Variants in TUB observed in about 807,000 individuals in gnomAD.
TUB encodes the protein TUB bipartite transcription factor, also known as tubby protein homolog.
In TUB, 33 loss-of-function variants were observed where a neutral mutation model predicts 59.7. That is an observed-to-expected ratio of 0.55 (90% confidence interval 0.42 to 0.74). TUB has a LOEUF of 0.74. Ranked by LOEUF, TUB falls within the 30% of genes least tolerant of loss-of-function variation. The pLI, the probability that TUB is intolerant of heterozygous loss-of-function variation, is 0.00. For missense variants in TUB, 659 were observed against 672.0 expected (o/e 0.98, Z 0.21); for synonymous variants, 293 against 256.4 (o/e 1.14, Z -1.36).
rs1024871836 is a variant in TUB at position 8,100,441 on chromosome 11, CCCA to C, written c.1117-59_1117-57del. ...GCTCTTCCTCTTTATTCCCGTCCCC[CCCA>C]CCTTCTCCAGTAGGTAAATAGACGC... On this transcript the variant is annotated intron_variant, in intron 9 of 11. Coordinates refer to ENST00000299506, the MANE Select transcript of TUB (RefSeq NM_177972.3). The C allele has an allele frequency of 6.8e-6, 9 of 1,330,176 alleles. No homozygotes were observed. In the African/African-American group the frequency reaches 1.3e-4, roughly 19 times the overall value. The allele number at this position is 1,330,176 out of a possible 1,614,324, so 82.4% of individuals were successfully genotyped here.
chr11:8,036,308 T>A (rs1291437172), upstream of TUB, among the ~76,000 whole-genome samples: 1 of 152,194 alleles, frequency 6.6e-6, no homozygotes, highest in Non-Finnish European at 1.5e-5. Flanking sequence ...AGCCAGCTGG[T>A]CATCTAGCCT....
intron 2 of TUB, among the ~76,000 whole-genome samples, chr11:8,071,796 G>C (rs373304540): frequency 6.6e-6 from 1 of 152,358 alleles, no homozygotes; most frequent in East Asian, 1.9e-4. Flanking sequence ...ACCTGAGCTA[G>C]AGGAACACAC....
chr11:8,056,854 G>C lies in TUB; in HGVS notation c.203+17162G>C, dbSNP rs536682357. Among the ~76,000 whole-genome samples, 107 of 152,222 alleles carry C rather than the reference G, an allele frequency of 7.0e-4. No homozygotes were observed. The South Asian group carries it at 8.7e-3, about 12-fold the overall frequency. On this transcript the variant is annotated intron_variant, in intron 2 of 12. Transcript: ENST00000305253. ...AAGCACATGGTGTGTCTCAAGTAAGGTGTGGGGGCAGTGATGGGAACGAAC... is the reference window on the plus strand; with the variant it reads ...AAGCACATGGTGTGTCTCAAGTAAGCTGTGGGGGCAGTGATGGGAACGAAC...
intron 1 of TUB, among the ~76,000 whole-genome samples, chr11:8,026,394 G>A (rs1277721811): frequency 1.0e-4 from 15 of 150,552 alleles, no homozygotes; most frequent in Admixed American, 9.9e-4. Flanking sequence ...GTTTTTCTAG[G>A]AATTTTCTAA....
intron 2 of TUB, among the ~76,000 whole-genome samples, chr11:8,056,250 C>T (rs887512081): frequency 6.6e-6 from 1 of 152,164 alleles, no homozygotes; most frequent in African/African-American, 2.4e-5. Flanking sequence ...CAGGATGCCC[C>T]TCACTCTCCT....
chr11:8,077,656 C>T (rs1250218375), upstream of TUB: 1 of 152,260 alleles, frequency 6.6e-6, no homozygotes, highest in Non-Finnish European at 1.5e-5. Flanking sequence ...CTTGGGAAGG[C>T]TTGTCCTAAC....
intron 2 of TUB, among the ~76,000 whole-genome samples, chr11:8,071,253 T>G (rs763462870): frequency 6.6e-6 from 1 of 152,074 alleles, no homozygotes; most frequent in Non-Finnish European, 1.5e-5. Flanking sequence ...TTCATAGGGG[T>G]AGGTCTAGCC....
Position 8,100,827 on chromosome 11 carries a change from A to G in TUB, c.1217A>G (p.Glu406Gly). Residue 406 changes from glutamate to glycine, a missense_variant and splice_region_variant, in exon 11 of 12, where the codon GAG becomes GGG. By Grantham distance (98) the Glu-to-Gly change is moderately conservative. Transcript: ENST00000299506. Reference sequence around the variant, plus strand: ...GCTCAGGTGAGGCTGCCCTCCCAGGAGCATGAGACACTGCTAGCACGCTGG... The same window carrying G: ...GCTCAGGTGAGGCTGCCCTCCCAGGGGCATGAGACACTGCTAGCACGCTGG... ...HERVSIRPRN[E>G]HETLLARWQN... The G allele has an allele frequency of 6.2e-7, 1 of 1,613,894 alleles. No homozygotes were observed. Among genetic ancestry groups the G allele is most frequent in the Non-Finnish European group, 8.5e-7 (1 of 1,179,888 alleles).
chr11:8,030,753 G>C (rs1007262693), intron 1 of TUB, among the ~76,000 whole-genome samples: 2 of 152,164 alleles, frequency 1.3e-5, no homozygotes, highest in African/African-American at 4.8e-5. Flanking sequence ...CCCTGGATCT[G>C]GGGAGGCTTT....
At chr11:8,054,820 A>C (rs1942992601) in intron 2 of TUB, among the ~76,000 whole-genome samples, 1 of 152,204 alleles carries the variant, frequency 6.6e-6, no homozygotes. Flanking sequence ...ACTGGGAGGC[A>C]CATGGCACAT....
At chr11:8,049,578 T>TATATATATATATATATATAGATAGATAG (rs1055522231) in intron 2 of TUB, among the ~76,000 whole-genome samples, 1 of 85,916 alleles carries the variant, frequency 1.2e-5, no homozygotes, top group Non-Finnish European at 2.9e-5. Context: ...TATATATATA[T>TATATATATATATATATATAGATAGATAG]ATAGATAGAT....
upstream of TUB, among the ~76,000 whole-genome samples, chr11:8,078,202 C>T (rs1312614385): frequency 6.6e-6 from 1 of 152,078 alleles, no homozygotes; most frequent in Non-Finnish European, 1.5e-5. Flanking sequence ...CTGCTTCACT[C>T]CCCATGCATT....
At position 8,101,553 on chromosome 11, in the gene TUB, G is replaced by T. The variant is rs147880022; in HGVS notation, c.1455G>T (p.Pro485=). 1.9e-6 allele frequency: 3 copies of T among 1,614,240 alleles called. No homozygotes were observed. Among genetic ancestry groups the T allele is most frequent in the Non-Finnish European group, 2.5e-6 (3 of 1,180,048 alleles). ...EDVFTMDYNY[P]LCALQAFAIA... is the part of the protein sequence containing the mutation. ...TGTTCACCATGGATTACAACTACCC[G>T]CTGTGTGCACTGCAGGCCTTTGCCA... The change falls in exon 12 of 12, where the codon CCG becomes CCT. Residue 485 remains proline, a synonymous_variant. Coordinates refer to ENST00000299506, the MANE Select transcript of TUB (RefSeq NM_177972.3).
upstream of TUB, among the ~76,000 whole-genome samples, chr11:8,034,338 G>A (rs868648259): frequency 7.2e-5 from 11 of 152,150 alleles, no homozygotes; most frequent in Non-Finnish European, 8.8e-5. Context: ...ACAATGATGG[G>A]TGGGAGTCCC....
chr11:8,070,228 CT>C (rs1170886356), intron 2 of TUB, among the ~76,000 whole-genome samples: 1 of 152,214 alleles, frequency 6.6e-6, no homozygotes, highest in Non-Finnish European at 1.5e-5. Flanking sequence ...GAATGACTGT[CT>C]TTAAAACAGT....
In TUB at chr11:8,100,592, C is replaced by G; in HGVS notation, c.1206C>G (p.Arg402=). ...MNMVHERVSI[R]PRNEHETLLA... is the part of the protein sequence containing the mutation. ...TGGTTCATGAGAGAGTCTCTATCCG[C>G]CCCCGCAACGTGAGTGTCTACCCCT... The change falls in exon 10 of 12, where the codon CGC becomes CGG. Residue 402 remains arginine (R), a synonymous_variant. Transcript: ENST00000299506. 6.2e-7 allele frequency: 1 copy of G among 1,613,868 alleles called. No homozygotes were observed. The highest frequency in any genetic ancestry group is 8.5e-7 in the Non-Finnish European group (1 of 1,179,870).
At chr11:8,083,751 C>G (rs1943614700) in intron 1 of TUB, among the ~76,000 whole-genome samples, 1 of 152,154 alleles carries the variant, frequency 6.6e-6, no homozygotes, top group Non-Finnish European at 1.5e-5. Context: ...GCCTGTCACT[C>G]CACCTCCTCG....
intron 2 of TUB, chr11:8,039,788 G>A (rs1942715120): frequency 9.3e-6 from 10 of 1,080,854 alleles, no homozygotes; most frequent in African/African-American, 8.1e-5. Flanking sequence ...TGGCTCAGGG[G>A]CCATGAACCC....
chr11:8,080,479 C>T (rs1216022917), upstream of TUB, among the ~76,000 whole-genome samples: 6 of 152,224 alleles, frequency 3.9e-5, no homozygotes, highest in Non-Finnish European at 8.8e-5. Flanking sequence ...CGGTCAACTG[C>T]GCCCCTTAGG....
Sources: gnomAD v4.1 joint callset for allele counts (sites outside exome capture counted in the v4.1 genomes callset) on GRCh38, gnomAD v4.1.1 for gene constraint, MANE v1.5 for transcripts, NCBI Gene and HGNC (gene_info 2026-07-23, HGNC 2026-07-21) for gene names.